Variants in CACNA1C observed in about 807,000 individuals in gnomAD.
CACNA1C encodes voltage-dependent L-type calcium channel subunit alpha-1C.
In CACNA1C, 30 loss-of-function variants were observed where a neutral mutation model predicts 229.0. That is an observed-to-expected ratio of 0.13 (90% CI 0.10 to 0.18). The LOEUF (loss-of-function observed/expected upper bound fraction) is 0.18, where lower values mean the gene tolerates loss of function less well. Among genes scored for constraint, CACNA1C ranks in the 10% least tolerant of loss-of-function variants. The pLI, the probability that CACNA1C is intolerant of heterozygous loss-of-function variation, is 1.00. For missense variants in CACNA1C, 1,658 were observed against 2,845.0 expected (o/e 0.58, Z 9.49); for synonymous variants, 1,114 against 1,132.5 (o/e 0.98, Z 0.33).
intron 2 of CACNA1C, among the ~76,000 whole-genome samples, chr12:2,120,036 CCAATG>C (rs2085833953): frequency 6.6e-6 from 1 of 152,172 alleles, no homozygotes. Context: ...AGAATGAAGA[CCAATG>C]CAATCTAAAT....
Position 2,602,065 on chromosome 12 carries a change from G to C in CACNA1C, c.2960+105G>C. The C allele has an allele frequency of 1.3e-6, 1 of 744,494 alleles. No individual in the cohort carries two copies. Among genetic ancestry groups the C allele is most frequent in the Non-Finnish European group, 2.4e-6 (1 of 416,316 alleles). 46.1% of individuals were successfully genotyped at this position (744,494 alleles called of 1,614,324 possible). Reference sequence around the variant, plus strand: ...CCTGCCTGCAGGGCCACCGCAGTGTGATGAGAGTGGGGTGGGGCCTCCAAA... The same window carrying C: ...CCTGCCTGCAGGGCCACCGCAGTGTCATGAGAGTGGGGTGGGGCCTCCAAA... On this transcript the variant is annotated intron_variant, in intron 22 of 46. Transcript: ENST00000399655. The surrounding 1 kb of genome is among the most constrained non-coding windows in gnomAD (Gnocchi z 4.4).
At position 2,513,220 on chromosome 12, in the gene CACNA1C, G is replaced by A. The variant is rs2239099; in HGVS notation, c.1390+236G>A. ...TGCTCCTTTTAGAATATTTCACCTT[G>A]AAAGACTGTTGAGATTTTGCTAAGG... On this transcript the variant is annotated intron_variant, in intron 9 of 46. Transcript: ENST00000399655. 0.24 allele frequency among the ~76,000 whole-genome samples: 37,155 copies of A among 152,038 alleles called. 6,233 individuals carry two copies. Among genetic ancestry groups the A allele is most frequent in the East Asian group, 0.56 (2,857 of 5,126 alleles).
chr12:2,035,742 GCAGGA>G (rs1177402826), intron 1 of CACNA1C, among the ~76,000 whole-genome samples: 4 of 152,194 alleles, frequency 2.6e-5, no homozygotes, highest in African/African-American at 9.7e-5. Flanking sequence ...TACTTCCGAG[GCAGGA>G]CGGTACTTAA....
At chr12:2,310,342 T>TAAAAAA (rs1262171750) in intron 3 of CACNA1C, among the ~76,000 whole-genome samples, 2 of 144,244 alleles carry the variant, frequency 1.4e-5, no homozygotes, top group African/African-American at 5.3e-5. Flanking sequence ...GCCTCCCAGT[T>TAAAAAA]AAAAAAAAAA....
intron 3 of CACNA1C, among the ~76,000 whole-genome samples, chr12:2,434,538 C>T (rs952455273): frequency 6.6e-6 from 1 of 152,202 alleles, no homozygotes; most frequent in Non-Finnish European, 1.5e-5. Flanking sequence ...CTTCCAGCGC[C>T]GTGGACGTCC....
At chr12:2,094,449 C>T (rs969119354) in intron 1 of CACNA1C, among the ~76,000 whole-genome samples, 1 of 152,082 alleles carries the variant, frequency 6.6e-6, no homozygotes, top group Non-Finnish European at 1.5e-5. Context: ...TGGAGGTGGG[C>T]GAGCAGGGGC....
chr12:2,042,270 C>T (rs2050244421), intron 1 of CACNA1C, among the ~76,000 whole-genome samples: 1 of 151,872 alleles, frequency 6.6e-6, no homozygotes, highest in Non-Finnish European at 1.5e-5. Flanking sequence ...TTACTGATCA[C>T]GCTACCATAT....
intron 3 of CACNA1C, among the ~76,000 whole-genome samples, chr12:2,177,673 G>A (rs1355268073): frequency 2.1e-5 from 3 of 145,712 alleles, no homozygotes; most frequent in Admixed American, 1.4e-4. Flanking sequence ...TTCTCGCTCT[G>A]TTGCCCAGGC....
chr12:2,426,347 G>A (rs1595937265), intron 3 of CACNA1C, among the ~76,000 whole-genome samples: 2 of 152,216 alleles, frequency 1.3e-5, no homozygotes, highest in South Asian at 4.1e-4. Flanking sequence ...CACAAGGTGA[G>A]TAGTACATGA....
At chr12:2,382,875 T>C (rs576524604) in intron 3 of CACNA1C, among the ~76,000 whole-genome samples, 1 of 152,194 alleles carries the variant, frequency 6.6e-6, no homozygotes, top group East Asian at 1.9e-4. Context: ...ACAACCGCCT[T>C]TCAGCTGTTC....
chr12:2,405,314 T>C (rs2098724090), intron 3 of CACNA1C, among the ~76,000 whole-genome samples: 2 of 152,182 alleles, frequency 1.3e-5, no homozygotes, highest in South Asian at 4.1e-4. Context: ...TAGTTCTGTG[T>C]TGTTTTATCA....
At position 2,024,129 on chromosome 12, in the gene CACNA1C, A is replaced by G. The variant is rs544324872; in HGVS notation, c.139+52928A>G. 7.2e-5 allele frequency among the ~76,000 whole-genome samples: 11 copies of G among 152,328 alleles called. No homozygotes were observed. The East Asian group carries it at 7.7e-4, about 11-fold the overall frequency. On this transcript the variant is annotated intron_variant, in intron 1 of 46. Coordinates refer to the CACNA1C transcript ENST00000682462. Reference sequence around the variant, plus strand: ...CTCAAAGTGAACAGGCTTTTAATCAATCCAGAGATATTTACCTAGATCTTT... The same window carrying G: ...CTCAAAGTGAACAGGCTTTTAATCAGTCCAGAGATATTTACCTAGATCTTT...
rs113639698 is a variant in CACNA1C, at chr12:2,254,701, T to C, written c.477+134271T>C. 5.8e-4 allele frequency among the ~76,000 whole-genome samples: 88 copies of C among 152,294 alleles called. 2 individuals carry two copies. The highest frequency in any genetic ancestry group is 6.8e-3 in the Middle Eastern group (2 of 294). ...ACTCAAACTACTCCATTGTGAGATT[T>C]GCTATGGAGTCAGGGCTGAAGTGGG... On this transcript the variant is annotated intron_variant, in intron 3 of 46. Coordinates refer to ENST00000399655, the MANE Select transcript of CACNA1C (RefSeq NM_000719.7).
In CACNA1C at chr12:2,493,878, A is replaced by T. The variant is rs1388365159; in HGVS notation, c.1113+492A>T. On this transcript the variant is annotated intron_variant, in intron 7 of 46. Transcript: ENST00000399655. This position sits in a 1 kb window ranked among gnomAD's most constrained non-coding sequence, Gnocchi z 4.6. ...GAATTGTGTAGCATTGTGACATGCT[A>T]TTCAATTTTTACTTTTTATTTTACT... is the stretch of plus-strand genomic sequence containing the variant. Among the ~76,000 whole-genome samples the T allele has an allele frequency of 2.6e-5, 4 of 152,248 alleles. No homozygotes were observed. Among genetic ancestry groups the T allele is most frequent in the Non-Finnish European group, 5.9e-5 (4 of 68,038 alleles).
rs1256346262 is a variant in CACNA1C, at chr12:2,403,735, G to C, written c.478-45241G>C. 1.3e-5 allele frequency among the ~76,000 whole-genome samples: 2 copies of C among 152,094 alleles called. No homozygotes were observed. Among genetic ancestry groups the C allele is most frequent in the African/African-American group, 2.4e-5 (1 of 41,412 alleles). ...CCAGTCCAGCCCCCACCATCTCCCA[G>C]TGAGCCCCAGGTAGACGTCTGCCAC... On this transcript the variant is annotated intron_variant, in intron 3 of 46. Transcript: ENST00000399655. The surrounding 1 kb of genome is among the most constrained non-coding windows in gnomAD (Gnocchi z 4.1).
intron 3 of CACNA1C, among the ~76,000 whole-genome samples, chr12:2,232,250 T>G (rs868849449): frequency 1.8e-4 from 25 of 136,964 alleles, no homozygotes; most frequent in African/African-American, 7.0e-4. Context: ...TTTTTTTTTT[T>G]TTGTTTGTTT....
intron 3 of CACNA1C, among the ~76,000 whole-genome samples, chr12:2,161,694 G>T (rs1475289922): frequency 6.6e-6 from 1 of 152,240 alleles, no homozygotes; most frequent in East Asian, 1.9e-4. Flanking sequence ...AACAGGATGT[G>T]CGAGAATGCT....
intron 1 of CACNA1C, among the ~76,000 whole-genome samples, chr12:2,039,053 A>C (rs1367661440): frequency 1.3e-5 from 2 of 152,232 alleles, no homozygotes; most frequent in African/African-American, 4.8e-5. Context: ...GGAAATTGCA[A>C]AAGACAGGTG....
In CACNA1C at chr12:2,584,647, G is replaced by A. The variant is rs1316542188; in HGVS notation, c.2339+30G>A. The A allele has an allele frequency of 5.0e-6, 7 of 1,393,890 alleles. No individual in the cohort carries two copies. The South Asian group carries it at 8.5e-5, about 17-fold the overall frequency. 86.3% of individuals were successfully genotyped at this position (1,393,890 alleles called of 1,614,324 possible). On this transcript the variant is annotated intron_variant, in intron 16 of 46. Transcript: ENST00000399655. ...CCCTCTAAGCTTGCCCAGGCCTGGGGCTCCAGGGCTCCCATTGTGGAATGT... is the reference window on the plus strand; with the variant it reads ...CCCTCTAAGCTTGCCCAGGCCTGGGACTCCAGGGCTCCCATTGTGGAATGT...
Sources: gnomAD v4.1 joint callset for allele counts (sites outside exome capture counted in the v4.1 genomes callset) on GRCh38, gnomAD v4.1.1 for gene constraint, Gnocchi (gnomAD v3.1) non-coding constraint, MANE v1.5 for transcripts, NCBI Gene and HGNC (gene_info 2026-07-23, HGNC 2026-07-21) for gene names.